The following MARK3 variants were observed in gnomAD, a reference collection of about 807,000 sequenced individuals.
MARK3 encodes microtubule affinity regulating kinase 3.
A neutral mutation model predicts 90.1 loss-of-function variants in MARK3; 46 were observed. That is an observed-to-expected ratio of 0.51 (90% confidence interval 0.40 to 0.65). The LOEUF is 0.65. Among genes scored for constraint, MARK3 ranks in the 30% least tolerant of loss-of-function variants. The pLI is 0.00. For synonymous variants in MARK3, 321 were observed against 332.6 expected (o/e 0.97, Z 0.38); for missense variants, 818 against 947.2 (o/e 0.86, Z 1.79).
rs948506176 is a variant in MARK3 at position 103,410,068 on chromosome 14, C to T, written c.243+4801C>T. Among the ~76,000 whole-genome samples, 12 of 152,320 alleles carry T rather than the reference C, an allele frequency of 7.9e-5. 1 individual carries two copies. The highest frequency in any genetic ancestry group is 6.2e-4 in the South Asian group (3 of 4,830). On this transcript the variant is annotated intron_variant, in intron 2 of 17. Transcript: ENST00000429436. ...CAAAATGGAATAGAGTGTTCATTTT[C>T]GTACATGCTTCTACACTGTAGATAA...
At chr14:103,418,148 T>C (rs917206196) in intron 2 of MARK3, among the ~76,000 whole-genome samples, 1 of 151,704 alleles carries the variant, frequency 6.6e-6, no homozygotes, top group Non-Finnish European at 1.5e-5. Flanking sequence ...TTGTTGTTAC[T>C]GTCTTTACAG....
intron 2 of MARK3, chr14:103,412,841 T>C (rs1672193071): frequency 2.9e-6 from 1 of 348,730 alleles, no homozygotes; most frequent in Middle Eastern, 9.7e-4. Context: ...GAAATTGATA[T>C]TTTAATGATG....
intron 2 of MARK3, among the ~76,000 whole-genome samples, chr14:103,413,485 G>A (rs929585637): frequency 1.3e-5 from 2 of 148,514 alleles, no homozygotes; most frequent in East Asian, 2.0e-4. Flanking sequence ...GGAGTGCAGC[G>A]CGATCTCGGC....
intron 1 of MARK3, among the ~76,000 whole-genome samples, chr14:103,388,655 T>C (rs1453525225): frequency 6.6e-6 from 1 of 152,090 alleles, no homozygotes; most frequent in Admixed American, 6.6e-5. Flanking sequence ...AAAGGTCCCT[T>C]ATGGCCCTGT....
At chr14:103,414,062 C>T (rs527637752) in intron 2 of MARK3, among the ~76,000 whole-genome samples, 9 of 152,110 alleles carry the variant, frequency 5.9e-5, no homozygotes, top group East Asian at 1.9e-4. Flanking sequence ...ATTACTGGAT[C>T]GTGTGGTAAA....
chr14:103,499,982 C>T, intron 16 of MARK3, 174 bp from the exon 17 acceptor site: 7 of 634,388 alleles, frequency 1.1e-5, no homozygotes, highest in Admixed American at 4.5e-5. Context: ...AAGAAGGTAG[C>T]GCTGGCTCAG....
At chr14:103,465,258 G>A (rs141051290) in intron 7 of MARK3, among the ~76,000 whole-genome samples, 4 of 152,174 alleles carry the variant, frequency 2.6e-5, no homozygotes, top group African/African-American at 7.2e-5. Context: ...GTGAGCCACC[G>A]TGCCCAGCCC....
chr14:103,495,092 ACT>A (rs1194805636), intron 15 of MARK3, among the ~76,000 whole-genome samples: 3 of 152,302 alleles, frequency 2.0e-5, no homozygotes, highest in East Asian at 1.9e-4. Flanking sequence ...GTGCACACAC[ACT>A]CATTTAATTT....
intron 1 of MARK3, 90 bp downstream of exon 1, chr14:103,386,170 C>A: frequency 1.6e-6 from 2 of 1,262,288 alleles, no homozygotes; most frequent in African/African-American, 1.5e-5. Context: ...TTCCCCCCAG[C>A]CGAACGCTCT....
chr14:103,437,612 G>A (rs2092747675), intron 3 of MARK3, among the ~76,000 whole-genome samples: 2 of 152,048 alleles, frequency 1.3e-5, no homozygotes, highest in Admixed American at 1.3e-4. Context: ...ATTGTACCAA[G>A]GACTTATTAT....
At chr14:103,441,057 G>T (rs191780329) in intron 3 of MARK3, among the ~76,000 whole-genome samples, 4 of 151,414 alleles carry the variant, frequency 2.6e-5, no homozygotes, top group Admixed American at 1.3e-4. Context: ...TGTGAAGTAC[G>T]TATTCATCTT....
chr14:103,401,684 C>G (rs1489784252), intron 1 of MARK3, among the ~76,000 whole-genome samples: 1 of 152,084 alleles, frequency 6.6e-6, no homozygotes, highest in Non-Finnish European at 1.5e-5. Flanking sequence ...CTGTCTATGC[C>G]TAACCTCAAG....
intron 3 of MARK3, among the ~76,000 whole-genome samples, chr14:103,441,024 A>T (rs1458741121): frequency 6.7e-6 from 1 of 149,848 alleles, no homozygotes; most frequent in East Asian, 1.9e-4. Context: ...GCATTTTTTC[A>T]TATTTAGGTT....
intron 14 of MARK3, among the ~76,000 whole-genome samples, chr14:103,486,580 A>T (rs1275422066): frequency 1.3e-5 from 2 of 152,216 alleles, no homozygotes; most frequent in Non-Finnish European, 2.9e-5. Context: ...AGGAAATAAA[A>T]CTATCATTTT....
chr14:103,453,759 C>G (rs1434581148), intron 5 of MARK3, among the ~76,000 whole-genome samples: 1 of 152,178 alleles, frequency 6.6e-6, no homozygotes, highest in Non-Finnish European at 1.5e-5. Context: ...ACAGCCTCTA[C>G]AGTGTACAAG....
At chr14:103,439,505 T>G (rs8003295) in intron 3 of MARK3, among the ~76,000 whole-genome samples, 11,092 of 152,114 alleles carry the variant, frequency 0.073, 1,403 homozygotes, top group African/African-American at 0.26. Flanking sequence ...GCCTCCCAAG[T>G]TCAAGCGATT....
intron 1 of MARK3, among the ~76,000 whole-genome samples, chr14:103,403,326 TTGTGTG>T (rs59913493): frequency 0.37 from 51,631 of 138,296 alleles, 9,585 homozygotes; most frequent in East Asian, 0.47. Flanking sequence ...TAGTGCCTGG[TTGTGTG>T]TGTGTGTGTG....
At chr14:103,454,250 GT>G (rs146508583) in intron 5 of MARK3, among the ~76,000 whole-genome samples, 55 of 145,386 alleles carry the variant, frequency 3.8e-4, no homozygotes, top group Non-Finnish European at 5.3e-4. Flanking sequence ...ATTACCTTGG[GT>G]TTTTTTTTTT....
At chr14:103,465,833 G>C in intron 8 of MARK3, 40 bp downstream of exon 8, 4 of 1,572,518 alleles carry the variant, frequency 2.5e-6, no homozygotes, top group Non-Finnish European at 3.5e-6. Flanking sequence ...TAAACTAAAA[G>C]AAGTTTCCTA....
Sources: allele counts gnomAD v4.1 joint callset (sites outside exome capture counted in the v4.1 genomes callset), GRCh38; gene constraint gnomAD v4.1.1; transcripts MANE v1.5; gene names NCBI Gene and HGNC (gene_info 2026-07-23, HGNC 2026-07-21).